Variants in ITGAX observed in about 807,000 individuals in gnomAD.
ITGAX encodes integrin subunit alpha X.
Under a neutral mutation model 140.2 loss-of-function variants are expected in ITGAX, and 99 were observed. The ratio of observed to expected loss-of-function variants is 0.71; its 90% CI spans 0.60 to 0.83. The LOEUF is 0.83. Ranked by LOEUF, ITGAX falls within the 40% of genes least tolerant of loss-of-function variation. The pLI is 0.00. For synonymous variants in ITGAX, 631 were observed against 600.4 expected (o/e 1.05, Z -0.75); for missense variants, 1,444 against 1,482.0 (o/e 0.97, Z 0.42).
In ITGAX at chr16:31,380,440, G is replaced by A. The variant is rs1037873962; in HGVS notation, c.3174+61G>A. The A allele has an allele frequency of 2.5e-5, 40 of 1,610,966 alleles. 1 individual carries two copies. In the South Asian group the frequency reaches 3.1e-4, roughly 12 times the overall value. On this transcript the variant is annotated intron_variant, in intron 27 of 29. Transcript: ENST00000268296. ...CTCAGGCGGGACCTGGCATGTCTGT[G>A]CCCATCTGCAAGCCAGGGCACCCCC...
In ITGAX at chr16:31,374,953, A is replaced by G. The variant is rs138460897; in HGVS notation, c.2508+1563A>G. Among the ~76,000 whole-genome samples, 180 of 152,338 alleles carry G rather than the reference A, an allele frequency of 1.2e-3. 1 individual carries two copies. Among genetic ancestry groups the G allele is most frequent in the African/African-American group, 4.1e-3 (171 of 41,592 alleles). On this transcript the variant is annotated intron_variant, in intron 20 of 29. Coordinates refer to ENST00000268296, the MANE Select transcript of ITGAX (RefSeq NM_000887.5). ...ATGAATACTATTATCTCAAGAGTAGATTAGTTATTTCAGGAGTGGGTTTCC... is the reference window on the plus strand; with the variant it reads ...ATGAATACTATTATCTCAAGAGTAGGTTAGTTATTTCAGGAGTGGGTTTCC...
Position 31,382,615 on chromosome 16 carries a change from G to A in ITGAX, c.*708G>A. The A allele has an allele frequency of 1.4e-6, 1 of 699,852 alleles. No homozygotes were observed. Among genetic ancestry groups the A allele is most frequent in the South Asian group, 1.5e-5 (1 of 66,764 alleles). The allele number at this position is 699,852 out of a possible 1,614,324, so 43.4% of individuals were successfully genotyped here. ...TTTCCAGTGAATTAGTGTCATGTCAGCATCAGCTCAGGGCTTCATCGTGGG... is the reference window on the plus strand; with the variant it reads ...TTTCCAGTGAATTAGTGTCATGTCAACATCAGCTCAGGGCTTCATCGTGGG... On this transcript the variant is annotated 3_prime_UTR_variant, in exon 30 of 30. Transcript: ENST00000268296.
rs1290564768 is a variant in ITGAX at position 31,356,479 on chromosome 16, A to T, written c.144-146A>T. 5 of 604,740 alleles carry T rather than the reference A, an allele frequency of 8.3e-6. No homozygotes were observed. The East Asian group carries it at 1.1e-4, about 14-fold the overall frequency. 37.5% of individuals were successfully genotyped at this position (604,740 alleles called of 1,614,324 possible). On this transcript the variant is annotated intron_variant, in intron 2 of 29. Coordinates refer to ENST00000268296, the MANE Select transcript of ITGAX (RefSeq NM_000887.5). The stretch of plus-strand genomic sequence containing the variant: ...ACGCCAGAGAATCCAACAGACAGAA[A>T]TCCCTTCCACATGGACTTTAAATTA...
rs1315955282 is a variant in ITGAX, at chr16:31,361,879, A to G, written c.1056A>G (p.Ala352=). ...TSSSSFELEM[A]QEGFSAVFTP... ...GTAGCTCCTTCGAATTGGAGATGGC[A>G]CAGGAGGGCTTCAGCGCTGTGTTCA... The change falls in exon 10 of 30, where the codon GCA becomes GCG. Residue 352 remains alanine (A), a synonymous_variant. Coordinates refer to ENST00000268296, the MANE Select transcript of ITGAX (RefSeq NM_000887.5). 1 of 1,614,028 alleles carries G rather than the reference A, an allele frequency of 6.2e-7. No individual in the cohort carries two copies. The highest frequency in any genetic ancestry group is 1.1e-5 in the South Asian group (1 of 91,086).
In ITGAX at chr16:31,382,635, C is replaced by T. The variant is rs771376267; in HGVS notation, c.*728C>T. 20 of 649,122 alleles carry T rather than the reference C, an allele frequency of 3.1e-5. No individual in the cohort carries two copies. The highest frequency in any genetic ancestry group is 5.3e-5 in the Non-Finnish European group (19 of 355,300). The allele number at this position is 649,122 out of a possible 1,614,324, so 40.2% of individuals were successfully genotyped here. On this transcript the variant is annotated 3_prime_UTR_variant, in exon 30 of 30. Coordinates refer to ENST00000268296, the MANE Select transcript of ITGAX (RefSeq NM_000887.5). ...TGTCAGCATCAGCTCAGGGCTTCAT[C>T]GTGGGGCTCTCAGTTCCGATTTCCC...
At position 31,357,347 on chromosome 16, in the gene ITGAX, T is replaced by A. The variant is rs2080774628; in HGVS notation, c.413T>A (p.Leu138His). ...LLGPTQLTQR[L>H]PVSRQECPRQ... The stretch of plus-strand genomic sequence containing the variant: ...GGCCCCACCCAGCTCACCCAGAGGC[T>A]CCCGGTGTCCAGGCAGGGTGAGTGT... Residue 138 changes from leucine (L) to histidine (H), a missense_variant, in exon 5 of 30, where the codon CTC (leucine) becomes CAC (histidine). Physicochemically the swap from Leu to His is moderately conservative, Grantham distance 99. Transcript: ENST00000268296. 6.2e-7 allele frequency: 1 copy of A among 1,603,508 alleles called. No individual in the cohort carries two copies. Among genetic ancestry groups the A allele is most frequent in the African/African-American group, 1.3e-5 (1 of 74,714 alleles).
intron 2 of ITGAX, 172 bp downstream of exon 2, chr16:31,356,170 T>C (rs1715757079): frequency 1.8e-6 from 1 of 564,006 alleles, no homozygotes; most frequent in South Asian, 2.2e-5. Context: ...CAGCTAACAT[T>C]TACAGAGCAG....
chr16:31,376,828 G>A lies in ITGAX; in HGVS notation c.2538G>A (p.Leu846=). The A allele has an allele frequency of 6.2e-7, 1 of 1,614,178 alleles. No homozygotes were observed. The highest frequency in any genetic ancestry group is 1.1e-5 in the South Asian group (1 of 91,084). ...QKQGQLRSLH[L]TCDSAPVGSQ... ...AAGGGCAGCTGCGTTCCCTGCACCT[G>A]ACATGTGACAGCGCCCCAGTTGGGA... Residue 846 remains leucine (L), a synonymous_variant, in exon 21 of 30, where the codon CTG becomes CTA. Transcript: ENST00000268296.
At chr16:31,380,133 T>C (rs2081054984) in intron 26 of ITGAX, 68 bp downstream of exon 26, 1 of 1,561,502 alleles carries the variant, frequency 6.4e-7, no homozygotes, top group South Asian at 1.1e-5. Flanking sequence ...CAGGAGTTCA[T>C]GTTCCATATC....
At chr16:31,372,319 G>T (rs1412212468) in intron 17 of ITGAX, 59 bp from the exon 18 acceptor site, 3 of 1,559,610 alleles carry the variant, frequency 1.9e-6, no homozygotes, top group African/African-American at 1.4e-5. Flanking sequence ...TGCGGATGAG[G>T]CCGAGCGCAG....
chr16:31,373,285 G>A lies in ITGAX; in HGVS notation c.2403G>A (p.Leu801=). The change falls in exon 20 of 30, where the codon CTG becomes CTA. Residue 801 remains leucine, a synonymous_variant. Transcript: ENST00000268296. ...KSLLVGSNLE[L]NAEVMVWNDG... is the part of the protein sequence containing the mutation. ...TGCTGGTGGGGAGTAACCTGGAGCT[G>A]AACGCAGAAGTGATGGTGTGGAATG... is the stretch of plus-strand genomic sequence containing the variant. 6.2e-7 allele frequency: 1 copy of A among 1,613,782 alleles called. No individual in the cohort carries two copies. Among genetic ancestry groups the A allele is most frequent in the Admixed American group, 1.7e-5 (1 of 59,966 alleles).
In ITGAX at chr16:31,376,908, G is replaced by C; in HGVS notation, c.2618G>C (p.Gly873Ala). ...CRINHLIFRG[G>A]AQITFLATFD... ...ATCAACCACCTCATCTTCCGTGGCG[G>C]CGCCCAGGTCAGCCTGGCTTCTGTC... Residue 873 changes from glycine to alanine, a missense_variant, in exon 21 of 30, where the codon GGC becomes GCC. By Grantham distance (60) the Gly-to-Ala change is moderately conservative. Coordinates refer to ENST00000268296, the MANE Select transcript of ITGAX (RefSeq NM_000887.5). 6.2e-7 allele frequency: 1 copy of C among 1,614,192 alleles called. No individual in the cohort carries two copies.
Position 31,379,598 on chromosome 16 carries a change from C to T in ITGAX, c.2820C>T (p.Phe940=). The change falls in exon 24 of 30, where the codon TTC becomes TTT. Residue 940 remains phenylalanine (F), a synonymous_variant. Coordinates refer to ENST00000268296, the MANE Select transcript of ITGAX (RefSeq NM_000887.5). ...AACAATTCACCAAATACCTCAACTT[C>T]TCAGAGTCTGAGGAGAAGGAAAGCC... is the stretch of plus-strand genomic sequence containing the variant. The part of the protein sequence containing the change: ...SHEQFTKYLN[F]SESEEKESHV... 1 of 1,563,244 alleles carries T rather than the reference C, an allele frequency of 6.4e-7. No individual in the cohort carries two copies. The highest frequency in any genetic ancestry group is 8.7e-7 in the Non-Finnish European group (1 of 1,152,520).
Position 31,382,172 on chromosome 16 carries a change from C to T in ITGAX, c.*265C>T, listed in dbSNP as rs1160569540. 3 of 1,409,064 alleles carry T rather than the reference C, an allele frequency of 2.1e-6. No homozygotes were observed. Among genetic ancestry groups the T allele is most frequent in the East Asian group, 5.2e-5 (2 of 38,472 alleles). 87.3% of individuals were successfully genotyped at this position (1,409,064 alleles called of 1,614,324 possible). A position where few individuals can be genotyped will look rare whatever the true frequency, so the allele number is the denominator to read the frequency against. On this transcript the variant is annotated 3_prime_UTR_variant, in exon 30 of 30. Coordinates refer to ENST00000268296, the MANE Select transcript of ITGAX (RefSeq NM_000887.5). ...TCTACCTAGAAATACATGGACAATA[C>T]CCCCAGGCCTCAGTCTCCCTTCTCC...
At position 31,373,406 on chromosome 16, in the gene ITGAX, AAGG is replaced by A. The variant is rs1337863081; in HGVS notation, c.2508+26_2508+28del. Reference sequence around the variant, plus strand: ...AGAGGGCCAGGTGCACCCTCTGGGGAAGGAGGAGGAGGCAGGGCTGGGCGTTAG... The same window carrying A: ...AGAGGGCCAGGTGCACCCTCTGGGGAAGGAGGAGGCAGGGCTGGGCGTTAG... On this transcript the variant is annotated intron_variant, in intron 20 of 29. Transcript: ENST00000268296. 1 of 1,604,998 alleles carries A rather than the reference AAGG, an allele frequency of 6.2e-7. No homozygotes were observed. Among genetic ancestry groups the A allele is most frequent in the Non-Finnish European group, 8.5e-7 (1 of 1,175,292 alleles).
chr16:31,371,056 T>G, intron 14 of ITGAX, 28 bp from the exon 15 acceptor site: 1 of 1,613,384 alleles, frequency 6.2e-7, no homozygotes, highest in Non-Finnish European at 8.5e-7. Flanking sequence ...ACTTTCCATC[T>G]TGATTCACCC....
At chr16:31,362,506 C>T (rs1283462579) in intron 11 of ITGAX, 105 bp from the exon 12 acceptor site, 3 of 1,418,402 alleles carry the variant, frequency 2.1e-6, no homozygotes, top group Non-Finnish European at 2.8e-6. Context: ...AGGGTGGGGT[C>T]CAGGGTTCTG....
chr16:31,373,101 A>AAAGAAGAAGAAGAAG, intron 19 of ITGAX, 148 bp from the exon 20 acceptor site: 1 of 479,812 alleles, frequency 2.1e-6, no homozygotes, highest in Non-Finnish European at 3.5e-6. Flanking sequence ...TCTTAAAAAA[A>AAAGAAGAAGAAGAAG]AAGAAGAAGA....
At chr16:31,358,813 GT>G (rs142979565) in intron 5 of ITGAX, among the ~76,000 whole-genome samples, 41,216 of 139,022 alleles carry the variant, frequency 0.3, 6,804 homozygotes, top group East Asian at 0.67. Flanking sequence ...AATCTTCCTG[GT>G]TTTTTTTTTT....
Sources: gnomAD v4.1 joint callset for allele counts (sites outside exome capture counted in the v4.1 genomes callset) on GRCh38, gnomAD v4.1.1 for gene constraint, MANE v1.5 for transcripts, NCBI Gene and HGNC (gene_info 2026-07-23, HGNC 2026-07-21) for gene names.